TMTC3: variants seen among roughly 807,000 people sequenced by gnomAD.
TMTC3 encodes the protein protein O-mannosyl-transferase TMTC3.
In TMTC3, 52 loss-of-function variants were observed where a neutral mutation model predicts 92.2. That is an observed-to-expected ratio of 0.56 (90% CI 0.45 to 0.71). TMTC3 has a LOEUF of 0.71. TMTC3 is among the 30% of genes least tolerant of loss of function. TMTC3 has a pLI of 0.00. For synonymous variants in TMTC3, 339 were observed against 363.3 expected (o/e 0.93, Z 0.76); for missense variants, 896 against 1,057.1 (o/e 0.85, Z 2.11).
At chr12:88,148,633 T>C in intron 2 of TMTC3, 129 bp downstream of exon 2, 1 of 665,324 alleles carries the variant, frequency 1.5e-6, no homozygotes, top group Non-Finnish European at 2.4e-6. Flanking sequence ...AAAATGTTTA[T>C]ATGAAACGTA....
chr12:88,160,165 G>A lies in TMTC3; in HGVS notation c.560G>A (p.Cys187Tyr). Residue 187 changes from cysteine to tyrosine, a missense_variant, in exon 5 of 14, where the codon TGT becomes TAT. Coordinates refer to ENST00000266712, the MANE Select transcript of TMTC3 (RefSeq NM_181783.4). ...TTTTTAGTGGCTGTTGCAACATTATGTAAAGAACAAGGAATAACAGTTGTA... is the reference window on the plus strand; with the variant it reads ...TTTTTAGTGGCTGTTGCAACATTATATAAAGAACAAGGAATAACAGTTGTA... The part of the protein sequence containing the change: ...TVFLVAVATL[C>Y]KEQGITVVGI... The A allele has an allele frequency of 6.3e-7, 1 of 1,593,120 alleles. No homozygotes were observed. The highest frequency in any genetic ancestry group is 8.5e-7 in the Non-Finnish European group (1 of 1,172,040).
At chr12:88,160,936 ATTT>A in intron 6 of TMTC3, 85 bp downstream of exon 6, 1 of 1,371,750 alleles carries the variant, frequency 7.3e-7, no homozygotes, top group South Asian at 1.4e-5. Flanking sequence ...AAAGTATTTT[ATTT>A]TGTTTTTTAA....
intron 12 of TMTC3, 69 bp from the exon 13 acceptor site, chr12:88,192,535 G>T: frequency 8.1e-7 from 1 of 1,231,120 alleles, no homozygotes; most frequent in Non-Finnish European, 1.2e-6. Flanking sequence ...CTTAAAACTT[G>T]GCAAAAATTG....
chr12:88,148,014 C>A (rs1241638504), intron 1 of TMTC3, among the ~76,000 whole-genome samples: 2 of 152,082 alleles, frequency 1.3e-5, no homozygotes, highest in East Asian at 1.9e-4. Flanking sequence ...ACAGAGGAAA[C>A]CTCCAGTCTT....
chr12:88,186,819 A>G (rs2138433055), intron 10 of TMTC3, among the ~76,000 whole-genome samples: 1 of 152,262 alleles, frequency 6.6e-6, no homozygotes, highest in East Asian at 1.9e-4. Flanking sequence ...GCTAAACAAT[A>G]TCTAATTGCA....
chr12:88,174,700 A>C lies in TMTC3; in HGVS notation c.1293A>C (p.Glu431Asp). 1 of 1,612,594 alleles carries C rather than the reference A, an allele frequency of 6.2e-7. No homozygotes were observed. Among genetic ancestry groups the C allele is most frequent in the Non-Finnish European group, 8.5e-7 (1 of 1,179,022 alleles). Residue 431 changes from glutamate (E) to aspartate (D), a missense_variant, in exon 9 of 14, where the codon GAA (glutamate) becomes GAC (aspartate). Glu to Asp is a conservative substitution (Grantham distance 45). Coordinates refer to ENST00000266712, the MANE Select transcript of TMTC3 (RefSeq NM_181783.4). ...TFHRNWDWES[E>D]YTLFMSALKV... ...ACAGAAATTGGGATTGGGAGTCTGA[A>C]TATACATTGTTTATGTCAGCCTTGA...
At chr12:88,184,212 A>C (rs946148168) in intron 10 of TMTC3, among the ~76,000 whole-genome samples, 1 of 152,096 alleles carries the variant, frequency 6.6e-6, no homozygotes, top group African/African-American at 2.4e-5. Context: ...GCATTTATTT[A>C]GTTCAGATTT....
rs944908814 is a variant in TMTC3, at chr12:88,199,791, T to A, written c.*4142T>A. The A allele has an allele frequency of 9.2e-5, 14 of 152,220 alleles. No homozygotes were observed. The highest frequency in any genetic ancestry group is 2.7e-4 in the African/African-American group (11 of 41,458). The allele number at this position is 152,220 out of a possible 1,614,324, so 9.4% of individuals were successfully genotyped here. On this transcript the variant is annotated 3_prime_UTR_variant, in exon 14 of 14. Coordinates refer to ENST00000266712, the MANE Select transcript of TMTC3 (RefSeq NM_181783.4). ...TGTAACTCACTTTCTTCGTCAACATTTCTGTGACTCAATGGATAGCATATT... is the reference window on the plus strand; with the variant it reads ...TGTAACTCACTTTCTTCGTCAACATATCTGTGACTCAATGGATAGCATATT...
chr12:88,160,310 T>C, intron 5 of TMTC3, 81 bp downstream of exon 5: 1 of 752,006 alleles, frequency 1.3e-6, no homozygotes, highest in Non-Finnish European at 2.0e-6. Flanking sequence ...ATTTTTATTT[T>C]CTAAATGTAT....
At position 88,160,791 on chromosome 12, in the gene TMTC3, C is replaced by CTGTTGTGTACAACAGT. The variant is rs749735504; in HGVS notation, c.737_738insTGTTGTGTACAACAGT (p.Leu247ValfsTer12). On this transcript the variant is annotated frameshift_variant, in exon 6 of 14. Transcript: ENST00000266712. LOFTEE classifies it high-confidence loss of function. ...AAACTCATTGTCTTGATGTTCAGTA[C>CTGTTGTGTACAACAGT]ATTATTACTTGTTGTGATTAGAGTC... is the stretch of plus-strand genomic sequence containing the variant. 1.9e-6 allele frequency: 3 copies of CTGTTGTGTACAACAGT among 1,613,428 alleles called. No homozygotes were observed. The highest frequency in any genetic ancestry group is 2.5e-6 in the Non-Finnish European group (3 of 1,179,666).
chr12:88,151,744 A>G (rs2040945669), intron 2 of TMTC3, among the ~76,000 whole-genome samples: 1 of 152,200 alleles, frequency 6.6e-6, no homozygotes, highest in Non-Finnish European at 1.5e-5. Context: ...TTGTAGCCAC[A>G]GTGACATTTC....
At chr12:88,167,973 C>CA (rs1414936005) in intron 7 of TMTC3, among the ~76,000 whole-genome samples, 1 of 152,108 alleles carries the variant, frequency 6.6e-6, no homozygotes, top group Non-Finnish European at 1.5e-5. Flanking sequence ...TCTAGATGCA[C>CA]AGAAGTTCAC....
chr12:88,170,941 T>C (rs1357432556), intron 7 of TMTC3, among the ~76,000 whole-genome samples: 2 of 152,200 alleles, frequency 1.3e-5, no homozygotes, highest in Non-Finnish European at 2.9e-5. Context: ...ATTTCAATGT[T>C]CAGTGTTATA....
At position 88,174,588 on chromosome 12, in the gene TMTC3, C is replaced by CT. The variant is rs1422653300; in HGVS notation, c.1200-12dup. On this transcript the variant is annotated intron_variant, in intron 8 of 13. Transcript: ENST00000266712. Reference sequence around the variant, plus strand: ...GATGAAGACAATTTTTTTTGTTTTGCTTTTTTTCTCTTAAACAGTGTATTT... The same window carrying CT: ...GATGAAGACAATTTTTTTTGTTTTGCTTTTTTTTCTCTTAAACAGTGTATTT... 6 of 1,581,996 alleles carry CT rather than the reference C, an allele frequency of 3.8e-6. No individual in the cohort carries two copies. The highest frequency in any genetic ancestry group is 5.1e-6 in the Non-Finnish European group (6 of 1,169,296).
At chr12:88,183,359 A>G (rs1317962772) in intron 10 of TMTC3, among the ~76,000 whole-genome samples, 1 of 152,160 alleles carries the variant, frequency 6.6e-6, no homozygotes, top group African/African-American at 2.4e-5. Flanking sequence ...GAAAGTAATG[A>G]GTTCATATAC....
At chr12:88,189,883 C>A (rs1786595292) in intron 11 of TMTC3, among the ~76,000 whole-genome samples, 1 of 151,854 alleles carries the variant, frequency 6.6e-6, no homozygotes, top group South Asian at 2.1e-4. Context: ...AAACCAATAA[C>A]AAATACAATT....
In TMTC3 at chr12:88,166,269, T is replaced by G. The variant is rs942535108; in HGVS notation, c.798-61T>G. 11 of 1,465,676 alleles carry G rather than the reference T, an allele frequency of 7.5e-6. No individual in the cohort carries two copies. The Admixed American group carries it at 1.7e-4, about 23-fold the overall frequency. The allele number at this position is 1,465,676 out of a possible 1,614,324, so 90.8% of individuals were successfully genotyped here. ...TGTTTATTGTTTAGTGTTTTACTTA[T>G]GTAAATAATTCTGTACTTTAAAAGT... On this transcript the variant is annotated intron_variant, in intron 6 of 13. Coordinates refer to ENST00000266712, the MANE Select transcript of TMTC3 (RefSeq NM_181783.4).
Position 88,196,431 on chromosome 12 carries a change from A to T in TMTC3, c.*782A>T, listed in dbSNP as rs1270511419. On this transcript the variant is annotated 3_prime_UTR_variant, in exon 14 of 14. Coordinates refer to ENST00000266712, the MANE Select transcript of TMTC3 (RefSeq NM_181783.4). ...TTTTTTTACTTTTACTCCCCAAATT[A>T]TTCATGTTTCTTAGATCGTAGTCAT... 6.6e-6 allele frequency: 1 copy of T among 151,790 alleles called. No homozygotes were observed. Among genetic ancestry groups the T allele is most frequent in the Non-Finnish European group, 1.5e-5 (1 of 67,748 alleles). The allele number at this position is 151,790 out of a possible 1,614,324, so 9.4% of individuals were successfully genotyped here.
At chr12:88,173,468 C>T (rs944706409) in intron 8 of TMTC3, among the ~76,000 whole-genome samples, 3 of 152,026 alleles carry the variant, frequency 2.0e-5, no homozygotes, top group African/African-American at 7.2e-5. Context: ...TAACAAAGTG[C>T]CTCCTAGTAG....
Sources: gnomAD v4.1 joint callset for allele counts (sites outside exome capture counted in the v4.1 genomes callset) on GRCh38, gnomAD v4.1.1 for gene constraint, MANE v1.5 for transcripts, NCBI Gene and HGNC (gene_info 2026-07-23, HGNC 2026-07-21) for gene names.